ABCD2: variants seen among roughly 807,000 people sequenced by gnomAD.
ABCD2 encodes ATP binding cassette subfamily D member 2, also known as ATP-binding cassette sub-family D member 2.
ABCD2 carries 36 observed loss-of-function variants against 70.9 expected under a neutral mutation model. The observed-to-expected ratio is 0.51, with a 90% CI of 0.39 to 0.67. ABCD2 has a LOEUF of 0.67. Ranked by LOEUF, ABCD2 falls within the 30% of genes least tolerant of loss-of-function variation. The pLI is 0.00. For missense variants in ABCD2, 729 were observed against 890.2 expected, an observed-to-expected ratio of 0.82 and a Z score of 2.30; for synonymous variants, 304 against 306.9, an observed-to-expected ratio of 0.99 and a Z score of 0.10.
intron 9 of ABCD2, among the ~76,000 whole-genome samples, chr12:39,560,725 CT>C (rs1298868311): frequency 1.3e-5 from 2 of 151,816 alleles, no homozygotes; most frequent in Non-Finnish European, 2.9e-5. Context: ...AAGATTGTGC[CT>C]TTTTTGCAAT....
chr12:39,539,142 A>G, the ABCD2 span, among the ~76,000 whole-genome samples: 4 of 152,238 alleles, frequency 2.6e-5, no homozygotes, highest in Admixed American at 6.5e-5. Context: ...GAAATTAGAC[A>G]TACTGCATTC....
the ABCD2 span, among the ~76,000 whole-genome samples, chr12:39,544,798 T>A: frequency 3.3e-5 from 5 of 152,182 alleles, no homozygotes; most frequent in African/African-American, 1.2e-4. Context: ...TGCAACTGTC[T>A]GAGTGTACTC....
At chr12:39,618,338 G>T (rs990498193) in intron 1 of ABCD2, among the ~76,000 whole-genome samples, 1 of 152,054 alleles carries the variant, frequency 6.6e-6, no homozygotes, top group Admixed American at 6.6e-5. Context: ...CTTCTGGTAG[G>T]TGCTTTAGGA....
rs1261129413 is a variant in ABCD2 at position 39,551,931 on chromosome 12, T to A, written c.*1981A>T. ...CATTTTCTTCTTGTACCTTTAAAAG[T>A]TAACTTAAAACACTTGCCTCAGACT... On this transcript the variant is annotated 3_prime_UTR_variant, in exon 10 of 10. Coordinates refer to ENST00000308666, the MANE Select transcript of ABCD2 (RefSeq NM_005164.4). The A allele has an allele frequency of 6.6e-6, 1 of 151,800 alleles. No homozygotes were observed. Among genetic ancestry groups the A allele is most frequent in the African/African-American group, 2.4e-5 (1 of 41,434 alleles). 9.4% of individuals were successfully genotyped at this position (151,800 alleles called of 1,614,324 possible).
At chr12:39,603,785 T>G in intron 5 of ABCD2, 127 bp downstream of exon 5, 1 of 662,388 alleles carries the variant, frequency 1.5e-6, no homozygotes, top group Non-Finnish European at 2.6e-6. Context: ...TGAGCCACTG[T>G]GCATACCTTT....
chr12:39,589,544 C>T (rs1419203092), intron 6 of ABCD2, among the ~76,000 whole-genome samples: 2 of 151,892 alleles, frequency 1.3e-5, no homozygotes, highest in Non-Finnish European at 1.5e-5. Context: ...TCTGTCACCA[C>T]GCCTGGCTAA....
chr12:39,618,763 C>T lies in ABCD2; in HGVS notation c.853G>A (p.Glu285Lys). 1 of 1,614,222 alleles carries T rather than the reference C, an allele frequency of 6.2e-7. No individual in the cohort carries two copies. Reference sequence around the variant, plus strand: ...CGCAAATAGCCTTTTCTATGTGCTTCCTCTGCCACCAGTTTGCCAAATTTG... The same window carrying T: ...CGCAAATAGCCTTTTCTATGTGCTTTCTCTGCCACCAGTTTGCCAAATTTG... ...SPKFGKLVAE[E>K]AHRKGYLRYV... Residue 285 changes from glutamate (E) to lysine (K), a missense_variant, in exon 1 of 10, where the codon GAA (glutamate) becomes AAA (lysine). Around this residue, in one of 3 missense-constraint regions of ABCD2, gnomAD observed 195 missense variants for 300.2 expected, o/e 0.65. Coordinates refer to ENST00000308666, the MANE Select transcript of ABCD2 (RefSeq NM_005164.4).
rs994535680 is a variant in ABCD2, at chr12:39,553,050, A to G, written c.*862T>C. The stretch of plus-strand genomic sequence containing the variant: ...TATTCCAATGTATGTTATTACTATG[A>G]TTCTCAGAATCCTTAAGTTCCTTTA... On this transcript the variant is annotated 3_prime_UTR_variant, in exon 10 of 10. Transcript: ENST00000308666. 1.3e-5 allele frequency: 2 copies of G among 152,032 alleles called. No individual in the cohort carries two copies. Among genetic ancestry groups the G allele is most frequent in the African/African-American group, 4.8e-5 (2 of 41,462 alleles). The allele number at this position is 152,032 out of a possible 1,614,324, so 9.4% of individuals were successfully genotyped here.
the ABCD2 span, among the ~76,000 whole-genome samples, chr12:39,531,393 C>T: frequency 6.6e-6 from 1 of 152,142 alleles, no homozygotes; most frequent in East Asian, 1.9e-4. Flanking sequence ...GGATTAATGC[C>T]CTTAAGAAGG....
At chr12:39,569,291 T>C (rs547450992) in intron 9 of ABCD2, among the ~76,000 whole-genome samples, 27 of 152,364 alleles carry the variant, frequency 1.8e-4, no homozygotes, top group African/African-American at 6.0e-4. Context: ...GGAGCTTCCC[T>C]GCCGCTTTGT....
chr12:39,617,043 A>G lies in ABCD2; in HGVS notation c.1065T>C (p.Ser355=). 4 of 1,612,298 alleles carry G rather than the reference A, an allele frequency of 2.5e-6. No homozygotes were observed. Among genetic ancestry groups the G allele is most frequent in the Non-Finnish European group, 3.4e-6 (4 of 1,179,164 alleles). ...QFLMKYVWSS[S]GLIMVAIPII... ...TAGGTATAGCCACCATAATTAGTCC[A>G]CTGCTGCTCCAAACATACTTCATCA... Residue 355 remains serine (S), a synonymous_variant, in exon 2 of 10, where the codon AGT becomes AGC. Transcript: ENST00000308666.
chr12:39,566,091 T>C (rs1591970871), intron 9 of ABCD2, among the ~76,000 whole-genome samples: 1 of 152,174 alleles, frequency 6.6e-6, no homozygotes, highest in East Asian at 1.9e-4. Context: ...TAAAATTCTC[T>C]TTTTTTGTTG....
chr12:39,544,065 G>C, the ABCD2 span, among the ~76,000 whole-genome samples: 1 of 152,188 alleles, frequency 6.6e-6, no homozygotes. Flanking sequence ...TGGGAGACTG[G>C]AGTTTTATTA....
At chr12:39,554,488 C>G (rs925213936) in intron 9 of ABCD2, among the ~76,000 whole-genome samples, 1 of 151,836 alleles carries the variant, frequency 6.6e-6, no homozygotes, top group African/African-American at 2.4e-5. Context: ...GAAAGAAAAT[C>G]AACATTAAAA....
At chr12:39,570,348 G>C (rs1941429555) in intron 9 of ABCD2, among the ~76,000 whole-genome samples, 1 of 152,146 alleles carries the variant, frequency 6.6e-6, no homozygotes, top group South Asian at 2.1e-4. Context: ...CTACCAAACT[G>C]TAGCAACCCA....
At chr12:39,556,638 C>T (rs571527456) in intron 9 of ABCD2, among the ~76,000 whole-genome samples, 65 of 152,122 alleles carry the variant, frequency 4.3e-4, no homozygotes, top group South Asian at 2.1e-4. Context: ...TTCTTTATAG[C>T]GATATGAAAA....
the ABCD2 span, among the ~76,000 whole-genome samples, chr12:39,531,852 G>C: frequency 1.2e-4 from 19 of 152,192 alleles, no homozygotes; most frequent in African/African-American, 4.3e-4. Context: ...CCATATATTC[G>C]CAAATGCCGC....
intron 2 of ABCD2, among the ~76,000 whole-genome samples, chr12:39,608,294 G>A (rs1941998040): frequency 6.6e-6 from 1 of 152,140 alleles, no homozygotes. Context: ...CAAAATGAGA[G>A]TTGGGACAAA....
rs567835593 is a variant in ABCD2 at position 39,613,038 on chromosome 12, G to A, written c.1120+3950C>T. ...CCTCATAGCTTTCACTGGCCTCCTT[G>A]CCCAGAACAGCTTTTGATATCAAGA... On this transcript the variant is annotated intron_variant, in intron 2 of 9. Transcript: ENST00000308666. 2.0e-5 allele frequency among the ~76,000 whole-genome samples: 3 copies of A among 152,186 alleles called. No individual in the cohort carries two copies. The South Asian group carries it at 6.2e-4, about 32-fold the overall frequency.
Sources: gnomAD v4.1 joint callset for allele counts (sites outside exome capture counted in the v4.1 genomes callset) on GRCh38, gnomAD v4.1.1 for gene constraint, gnomAD v4.1.1 regional missense constraint, MANE v1.5 for transcripts, NCBI Gene and HGNC (gene_info 2026-07-23, HGNC 2026-07-21) for gene names.